CRISPLD2: variants seen among roughly 807,000 people sequenced by gnomAD.
CRISPLD2 encodes the protein cysteine rich secretory protein LCCL domain containing 2.
CRISPLD2 carries 47 observed loss-of-function variants against 71.1 expected under a neutral mutation model. That is an observed-to-expected ratio of 0.66 (90% CI 0.52 to 0.84). CRISPLD2 has a LOEUF of 0.84. Among genes scored for constraint, CRISPLD2 ranks in the 40% least tolerant of loss-of-function variants. The probability of loss-of-function intolerance (pLI) is 0.00; values close to 1 mark genes in which losing one functional copy is unlikely to be tolerated. For synonymous variants in CRISPLD2, 317 were observed against 250.1 expected, an observed-to-expected ratio of 1.27 and a Z score of -2.52; for missense variants, 830 against 651.1, an observed-to-expected ratio of 1.27 and a Z score of -2.99.
At chr16:84,823,163 A>C (rs1347896781) in intron 1 of CRISPLD2, among the ~76,000 whole-genome samples, 1 of 152,228 alleles carries the variant, frequency 6.6e-6, no homozygotes, top group Non-Finnish European at 1.5e-5. Context: ...TTCAAGGTTC[A>C]TCCATGTTGT....
chr16:84,833,551 T>C (rs1315682910), intron 1 of CRISPLD2, among the ~76,000 whole-genome samples: 2 of 151,698 alleles, frequency 1.3e-5, no homozygotes, highest in Non-Finnish European at 2.9e-5. Flanking sequence ...AGAGTTAGAG[T>C]GGGAGCCTCA....
intron 11 of CRISPLD2, among the ~76,000 whole-genome samples, chr16:84,875,263 G>GTGTA (rs995137573): frequency 6.6e-5 from 10 of 151,896 alleles, no homozygotes; most frequent in African/African-American, 2.4e-4. Flanking sequence ...ACATATGTGT[G>GTGTA]TGTGTGTGTG....
chr16:84,895,080 G>A (rs560637786), intron 14 of CRISPLD2, among the ~76,000 whole-genome samples: 32 of 151,790 alleles, frequency 2.1e-4, no homozygotes, highest in Non-Finnish European at 3.5e-4. Flanking sequence ...TCCTCCACTC[G>A]TATTCCAAAC....
intron 1 of CRISPLD2, among the ~76,000 whole-genome samples, chr16:84,824,960 C>T (rs1371254971): frequency 2.0e-5 from 3 of 152,000 alleles, no homozygotes; most frequent in Admixed American, 6.6e-5. Context: ...AAAAATTAGC[C>T]GGGCGTGGTG....
intron 6 of CRISPLD2, among the ~76,000 whole-genome samples, chr16:84,861,039 G>A (rs35404407): frequency 0.014 from 2,062 of 152,290 alleles, 17 homozygotes; most frequent in Middle Eastern, 0.027. Context: ...GAGGTATTCA[G>A]TCTAGAGTCA....
intron 3 of CRISPLD2, among the ~76,000 whole-genome samples, chr16:84,848,776 A>G (rs1464534201): frequency 1.3e-5 from 2 of 152,168 alleles, no homozygotes; most frequent in Non-Finnish European, 1.5e-5. Context: ...GTTTTGTCTT[A>G]GACAACAATA....
At chr16:84,886,027 C>T (rs2071610096) in intron 13 of CRISPLD2, among the ~76,000 whole-genome samples, 1 of 151,908 alleles carries the variant, frequency 6.6e-6, no homozygotes, top group African/African-American at 2.4e-5. Flanking sequence ...CGCTATGTTG[C>T]CCAGGCTCAT....
chr16:84,885,246 G>A (rs1398867970), intron 13 of CRISPLD2, among the ~76,000 whole-genome samples: 2 of 148,088 alleles, frequency 1.4e-5, no homozygotes, highest in Non-Finnish European at 3.0e-5. Context: ...AATTGTGTTC[G>A]CTTACCAAAC....
intron 6 of CRISPLD2, chr16:84,862,978 C>A (rs1307258516): frequency 6.6e-6 from 1 of 152,164 alleles, no homozygotes; most frequent in Non-Finnish European, 1.5e-5. Context: ...GACCATGTAT[C>A]TGGGTCTGGG....
At chr16:84,894,776 G>A (rs537652706) in intron 14 of CRISPLD2, among the ~76,000 whole-genome samples, 22 of 152,060 alleles carry the variant, frequency 1.4e-4, no homozygotes, top group Non-Finnish European at 3.1e-4. Context: ...GAGATCTGGT[G>A]TGTGTTTCAC....
intron 6 of CRISPLD2, among the ~76,000 whole-genome samples, chr16:84,866,546 T>A (rs1459093652): frequency 6.6e-6 from 1 of 152,114 alleles, no homozygotes; most frequent in Non-Finnish European, 1.5e-5. Flanking sequence ...TGAGGCAGCT[T>A]CTTGAAGTTG....
intron 7 of CRISPLD2, 52 bp from the exon 8 acceptor site, chr16:84,868,799 C>T: frequency 6.9e-7 from 1 of 1,451,620 alleles, no homozygotes; most frequent in Non-Finnish European, 9.7e-7. Flanking sequence ...GAAGGGTCTT[C>T]TCACCCTCCT....
chr16:84,846,623 C>G (rs1425197171), intron 3 of CRISPLD2, among the ~76,000 whole-genome samples: 1 of 152,140 alleles, frequency 6.6e-6, no homozygotes, highest in Non-Finnish European at 1.5e-5. Context: ...GGGTGAACTG[C>G]TCTGTTCATG....
intron 14 of CRISPLD2, among the ~76,000 whole-genome samples, chr16:84,905,393 T>A (rs572765059): frequency 6.6e-6 from 1 of 152,258 alleles, no homozygotes; most frequent in South Asian, 2.1e-4. Context: ...TTAATAAAGT[T>A]GGTTTGGTTT....
At position 84,907,105 on chromosome 16, in the gene CRISPLD2, T is replaced by C. The variant is rs1351739640; in HGVS notation, c.*463T>C. Reference sequence around the variant, plus strand: ...TGAGTTTCAGGAATGAAGTAGAAGGTAGTTATTTAAAAATAAAAAACACAG... The same window carrying C: ...TGAGTTTCAGGAATGAAGTAGAAGGCAGTTATTTAAAAATAAAAAACACAG... On this transcript the variant is annotated 3_prime_UTR_variant, in exon 15 of 15. Coordinates refer to ENST00000262424, the MANE Select transcript of CRISPLD2 (RefSeq NM_031476.4). 1 of 181,900 alleles carries C rather than the reference T, an allele frequency of 5.5e-6. No individual in the cohort carries two copies. Among genetic ancestry groups the C allele is most frequent in the Non-Finnish European group, 1.2e-5 (1 of 86,476 alleles). 11.3% of individuals were successfully genotyped at this position (181,900 alleles called of 1,614,324 possible).
chr16:84,854,519 C>T (rs1917178641), intron 5 of CRISPLD2, among the ~76,000 whole-genome samples: 1 of 152,108 alleles, frequency 6.6e-6, no homozygotes, highest in African/African-American at 2.4e-5. Context: ...CTCCCTTCTG[C>T]AGAATCGCTG....
intron 3 of CRISPLD2, among the ~76,000 whole-genome samples, chr16:84,846,339 G>A (rs1916914352): frequency 6.7e-6 from 1 of 149,122 alleles, no homozygotes; most frequent in East Asian, 2.0e-4. Context: ...TGCAACCTCT[G>A]TCTCCTGGGT....
rs1916598946 is a variant in CRISPLD2 at position 84,835,569 on chromosome 16, C to T, written c.-74-2853C>T. Reference sequence around the variant, plus strand: ...CCAACAGTACTGGCACACCACCCAGCATGGCAGGCCTGTGTCTCCCAGGCT... The same window carrying T: ...CCAACAGTACTGGCACACCACCCAGTATGGCAGGCCTGTGTCTCCCAGGCT... On this transcript the variant is annotated intron_variant, in intron 1 of 14. Coordinates refer to ENST00000262424, the MANE Select transcript of CRISPLD2 (RefSeq NM_031476.4). 5.3e-5 allele frequency among the ~76,000 whole-genome samples: 8 copies of T among 152,172 alleles called. No individual in the cohort carries two copies. In the South Asian group the frequency reaches 1.7e-3, roughly 32 times the overall value.
At chr16:84,895,151 C>T (rs1024158081) in intron 14 of CRISPLD2, among the ~76,000 whole-genome samples, 2 of 152,168 alleles carry the variant, frequency 1.3e-5, no homozygotes, top group Non-Finnish European at 2.9e-5. Flanking sequence ...AAAGTAGGAA[C>T]CGTCATTATC....
Sources: allele counts gnomAD v4.1 joint callset (sites outside exome capture counted in the v4.1 genomes callset), GRCh38; gene constraint gnomAD v4.1.1; transcripts MANE v1.5; gene names NCBI Gene and HGNC (gene_info 2026-07-23, HGNC 2026-07-21).